Variants in NRXN3 observed in about 807,000 individuals in gnomAD.
The protein encoded by NRXN3 is neurexin III.
In NRXN3, 32 loss-of-function variants were observed where a neutral mutation model predicts 137.6. The observed-to-expected ratio is 0.23, with a 90% CI of 0.18 to 0.31. The LOEUF is 0.31. NRXN3 is among the 10% of genes least tolerant of loss of function. NRXN3 has a pLI of 1.00. For missense variants in NRXN3, 1,574 were observed against 2,062.5 expected, an observed-to-expected ratio of 0.76 and a Z score of 4.59; for synonymous variants, 798 against 784.5, an observed-to-expected ratio of 1.02 and a Z score of -0.29.
intron 8 of NRXN3, among the ~76,000 whole-genome samples, chr14:78,716,723 T>C (rs1239728214): frequency 6.6e-6 from 1 of 152,148 alleles, no homozygotes; most frequent in African/African-American, 2.4e-5. Flanking sequence ...GCCAACTGTG[T>C]TACTAGCTAA....
intron 4 of NRXN3, among the ~76,000 whole-genome samples, chr14:78,495,795 T>C (rs935829046): frequency 6.6e-6 from 1 of 152,208 alleles, no homozygotes; most frequent in African/African-American, 2.4e-5. Context: ...TCTGGATCTC[T>C]GACCAGCACC....
chr14:78,353,470 C>T (rs551181495), intron 4 of NRXN3, among the ~76,000 whole-genome samples: 7 of 152,190 alleles, frequency 4.6e-5, no homozygotes, highest in South Asian at 2.1e-4. Flanking sequence ...GGCAGCTCTC[C>T]GGGGACTGTT....
intron 4 of NRXN3, among the ~76,000 whole-genome samples, chr14:78,451,818 A>G (rs1264969259): frequency 6.6e-6 from 1 of 152,214 alleles, no homozygotes; most frequent in Non-Finnish European, 1.5e-5. Context: ...TCTTACATTT[A>G]CTCTGGCCAT....
intron 1 of NRXN3, among the ~76,000 whole-genome samples, chr14:78,228,594 C>T (rs866205098): frequency 2.1e-4 from 32 of 152,306 alleles, no homozygotes; most frequent in Middle Eastern, 3.4e-3. Context: ...ATACTGAATC[C>T]TCACAATACC....
intron 17 of NRXN3, among the ~76,000 whole-genome samples, chr14:79,684,311 T>A (rs2098685879): frequency 6.6e-6 from 1 of 152,152 alleles, no homozygotes; most frequent in Admixed American, 6.5e-5. Flanking sequence ...GGCTTGAGTT[T>A]TAGTTAGAAA....
chr14:79,752,303 G>A (rs949121460), intron 19 of NRXN3, among the ~76,000 whole-genome samples: 4 of 151,724 alleles, frequency 2.6e-5, no homozygotes, highest in Non-Finnish European at 5.9e-5. Flanking sequence ...AGTCTGTTTT[G>A]GTTACTGCAG....
At chr14:79,503,265 A>G (rs1480419980) in intron 16 of NRXN3, among the ~76,000 whole-genome samples, 7 of 152,138 alleles carry the variant, frequency 4.6e-5, no homozygotes. Flanking sequence ...AAGATAATAT[A>G]GATCCCAGTT....
At chr14:79,806,446 C>T (rs1478881727) in intron 20 of NRXN3, among the ~76,000 whole-genome samples, 1 of 152,098 alleles carries the variant, frequency 6.6e-6, no homozygotes, top group African/African-American at 2.4e-5. Flanking sequence ...TATGATAGGG[C>T]TTCCATTCTG....
At chr14:78,502,803 C>T (rs868195804) in intron 4 of NRXN3, among the ~76,000 whole-genome samples, 6 of 152,112 alleles carry the variant, frequency 3.9e-5, no homozygotes, top group Non-Finnish European at 7.4e-5. Context: ...TGCTCAAACA[C>T]GGAGATGAGG....
intron 4 of NRXN3, among the ~76,000 whole-genome samples, chr14:78,622,707 C>G (rs2097418472): frequency 1.3e-5 from 2 of 152,252 alleles, no homozygotes; most frequent in Admixed American, 6.5e-5. Context: ...AGGAGAAGCA[C>G]TCAGGGTTAG....
intron 16 of NRXN3, among the ~76,000 whole-genome samples, chr14:79,474,694 A>G (rs1443863506): frequency 6.6e-6 from 1 of 152,076 alleles, no homozygotes; most frequent in African/African-American, 2.4e-5. Context: ...TAAGCTTCCA[A>G]AGGGCTCTAG....
intron 6 of NRXN3, among the ~76,000 whole-genome samples, chr14:78,660,531 G>A (rs187501462): frequency 1.6e-4 from 25 of 152,194 alleles, no homozygotes; most frequent in African/African-American, 4.8e-4. Flanking sequence ...TCTATATGTT[G>A]TAGGGAAACA....
intron 1 of NRXN3, among the ~76,000 whole-genome samples, chr14:78,227,834 A>T (rs1358772129): frequency 6.6e-6 from 1 of 152,220 alleles, no homozygotes; most frequent in African/African-American, 2.4e-5. Flanking sequence ...AGCCTTGGCC[A>T]GGAAAACTGG....
chr14:78,649,261 C>G (rs531782742), intron 5 of NRXN3: 1 of 1,343,052 alleles, frequency 7.4e-7, no homozygotes. Flanking sequence ...CCCCCTTCTC[C>G]GCAAAGCACT....
At chr14:78,267,181 C>G (rs2071898795) in intron 2 of NRXN3, among the ~76,000 whole-genome samples, 1 of 152,158 alleles carries the variant, frequency 6.6e-6, no homozygotes, top group Admixed American at 6.6e-5. Flanking sequence ...GGTCATTAAG[C>G]ATTTTATATA....
At chr14:78,212,826 T>G (rs190377473) in intron 1 of NRXN3, among the ~76,000 whole-genome samples, 171 of 152,322 alleles carry the variant, frequency 1.1e-3, no homozygotes, top group Non-Finnish European at 1.7e-3. Flanking sequence ...ATTTTTACTT[T>G]TGGTAGTGGA....
In NRXN3 at chr14:79,686,855, C is replaced by T. The variant is rs557181232; in HGVS notation, c.3617-5318C>T. On this transcript the variant is annotated intron_variant, in intron 17 of 20. Coordinates refer to ENST00000335750, the MANE Select transcript of NRXN3 (RefSeq NM_001330195.2). ...TCGTATATATTTGCCATTATCAGAA[C>T]ATATCCAGAAGACATGTAGAGGTGA... Among the ~76,000 whole-genome samples, 91 of 152,254 alleles carry T rather than the reference C, an allele frequency of 6.0e-4. 3 individuals carry two copies. The South Asian group carries it at 0.018, about 30-fold the overall frequency.
chr14:78,981,196 C>T (rs1185162557), intron 14 of NRXN3, among the ~76,000 whole-genome samples: 1 of 152,128 alleles, frequency 6.6e-6, no homozygotes, highest in African/African-American at 2.4e-5. Flanking sequence ...AAAATGAGAT[C>T]TTCCTGTTTA....
At chr14:79,727,582 T>G (rs763598706) in intron 19 of NRXN3, among the ~76,000 whole-genome samples, 2 of 152,026 alleles carry the variant, frequency 1.3e-5, no homozygotes, top group Non-Finnish European at 2.9e-5. Context: ...TACAGCTCCA[T>G]GTATGCTGCA....
Sources: gnomAD v4.1 joint callset for allele counts (sites outside exome capture counted in the v4.1 genomes callset) on GRCh38, gnomAD v4.1.1 for gene constraint, MANE v1.5 for transcripts, NCBI Gene and HGNC (gene_info 2026-07-23, HGNC 2026-07-21) for gene names.